The following ERBB4 variants were observed in gnomAD, a reference collection of about 807,000 sequenced individuals.
ERBB4 encodes receptor tyrosine-protein kinase erbB-4.
In ERBB4, 42 loss-of-function variants were observed where a neutral mutation model predicts 158.0. The ratio of observed to expected loss-of-function variants is 0.27; its 90% confidence interval spans 0.21 to 0.34. The LOEUF (loss-of-function observed/expected upper bound fraction) is 0.34, where lower values mean the gene tolerates loss of function less well. Ranked by LOEUF, ERBB4 falls within the 10% of genes least tolerant of loss-of-function variation. The pLI, the probability that ERBB4 is intolerant of heterozygous loss-of-function variation, is 1.00. For missense variants in ERBB4, 1,333 were observed against 1,624.1 expected, an observed-to-expected ratio of 0.82 and a Z score of 3.08; for synonymous variants, 583 against 558.7, an observed-to-expected ratio of 1.04 and a Z score of -0.61.
At chr2:212,005,897 C>A (rs948684051) in intron 2 of ERBB4, among the ~76,000 whole-genome samples, 4 of 152,122 alleles carry the variant, frequency 2.6e-5, no homozygotes, top group African/African-American at 9.6e-5. Context: ...CCAGCCAAGG[C>A]AACATAGCAA....
chr2:212,344,376 T>C (rs1195048936), intron 1 of ERBB4, among the ~76,000 whole-genome samples: 2 of 152,110 alleles, frequency 1.3e-5, no homozygotes, highest in African/African-American at 4.8e-5. Flanking sequence ...CAGACCTTGC[T>C]AAATGTCCCC....
intron 2 of ERBB4, among the ~76,000 whole-genome samples, chr2:212,003,156 A>G (rs368610517): frequency 0.22 from 4,852 of 21,750 alleles, 448 homozygotes; most frequent in Non-Finnish European, 0.34. Flanking sequence ...AAGGAAAGAA[A>G]GAAAGAAAGA....
Position 211,724,737 on chromosome 2 carries a change from A to G in ERBB4, c.741+339T>C, listed in dbSNP as rs188678231. Among the ~76,000 whole-genome samples, 611 of 152,224 alleles carry G rather than the reference A, an allele frequency of 4.0e-3. 3 individuals carry two copies. The highest frequency in any genetic ancestry group is 0.014 in the African/African-American group (590 of 41,562). ...CAAGAAATAAAATGCAATTGCTCCC[A>G]CTTGCAGAACTCAGTGATGCAACCA... On this transcript the variant is annotated intron_variant, in intron 6 of 27. Coordinates refer to ENST00000342788, the MANE Select transcript of ERBB4 (RefSeq NM_005235.3).
chr2:212,054,645 A>G (rs2077498770), intron 2 of ERBB4, among the ~76,000 whole-genome samples: 1 of 152,146 alleles, frequency 6.6e-6, no homozygotes, highest in African/African-American at 2.4e-5. Flanking sequence ...TCCAGTGCCA[A>G]TCCTAGAGTG....
chr2:212,036,536 C>T (rs1000651782), intron 2 of ERBB4, among the ~76,000 whole-genome samples: 1 of 151,200 alleles, frequency 6.6e-6, no homozygotes, highest in Non-Finnish European at 1.5e-5. Flanking sequence ...GTGATCTGGG[C>T]TCACTGCAAG....
intron 16 of ERBB4, among the ~76,000 whole-genome samples, chr2:211,637,875 T>C (rs1439424349): frequency 6.6e-6 from 1 of 151,958 alleles, no homozygotes; most frequent in Non-Finnish European, 1.5e-5. Flanking sequence ...AAAGATGATA[T>C]ATTTACACAA....
rs368539121 is a variant in ERBB4 at position 211,766,193 on chromosome 2, A to G, written c.557-15489T>C. ...CAAAAGAATCACCTCTAAATTGAAC[A>G]TAATGTGTTCTTGCTGAGCAGGAAA... is the stretch of plus-strand genomic sequence containing the variant. On this transcript the variant is annotated intron_variant, in intron 4 of 27. Coordinates refer to ENST00000342788, the MANE Select transcript of ERBB4 (RefSeq NM_005235.3). Among the ~76,000 whole-genome samples the G allele has an allele frequency of 7.2e-5, 11 of 152,362 alleles. 1 individual carries two copies. Among genetic ancestry groups the G allele is most frequent in the African/African-American group, 1.9e-4 (8 of 41,586 alleles).
At chr2:211,525,973 G>A (rs926235886) in intron 20 of ERBB4, among the ~76,000 whole-genome samples, 2 of 152,122 alleles carry the variant, frequency 1.3e-5, no homozygotes, top group Non-Finnish European at 2.9e-5. Context: ...CCAGTCCCTA[G>A]CTGCCAGATG....
chr2:211,397,671 T>G (rs913085727), intron 25 of ERBB4, among the ~76,000 whole-genome samples: 5 of 152,126 alleles, frequency 3.3e-5, no homozygotes, highest in African/African-American at 1.2e-4. Flanking sequence ...CTAAGGTTGA[T>G]TTTGCAGTTT....
chr2:211,542,593 T>A (rs1485701409), intron 20 of ERBB4, among the ~76,000 whole-genome samples: 3 of 152,042 alleles, frequency 2.0e-5, no homozygotes, highest in African/African-American at 7.2e-5. Flanking sequence ...GTTCTAAAAA[T>A]TTGTATTTTA....
intron 1 of ERBB4, among the ~76,000 whole-genome samples, chr2:212,434,166 G>A (rs933698835): frequency 3.3e-5 from 5 of 151,914 alleles, no homozygotes; most frequent in African/African-American, 1.2e-4. Context: ...TCACATCCAT[G>A]TAATCTAAAT....
intron 1 of ERBB4, among the ~76,000 whole-genome samples, chr2:212,150,407 T>G (rs2080829236): frequency 6.6e-6 from 1 of 152,212 alleles, no homozygotes; most frequent in Non-Finnish European, 1.5e-5. Flanking sequence ...TAATTTCATT[T>G]TCCCTAATTA....
intron 20 of ERBB4, among the ~76,000 whole-genome samples, chr2:211,504,428 T>G (rs569396201): frequency 6.6e-6 from 1 of 151,124 alleles, no homozygotes; most frequent in African/African-American, 2.4e-5. Context: ...GTGCAACAGC[T>G]AAACCCTCAA....
At chr2:211,583,955 T>A (rs897818740) in intron 19 of ERBB4, among the ~76,000 whole-genome samples, 7 of 150,340 alleles carry the variant, frequency 4.7e-5, no homozygotes. Flanking sequence ...TAACTACTAT[T>A]TTTCATTTGG....
intron 1 of ERBB4, among the ~76,000 whole-genome samples, chr2:212,315,473 A>G (rs1243212908): frequency 6.6e-6 from 1 of 151,452 alleles, no homozygotes; most frequent in Non-Finnish European, 1.5e-5. Flanking sequence ...TTTCCTTAAA[A>G]TTATTTTTAA....
At chr2:211,442,768 A>C (rs542173380) in intron 20 of ERBB4, among the ~76,000 whole-genome samples, 1 of 152,186 alleles carries the variant, frequency 6.6e-6, no homozygotes, top group South Asian at 2.1e-4. Context: ...GCACTCATCT[A>C]TTGACTTGAT....
chr2:211,823,849 A>G (rs1418172165), intron 3 of ERBB4, among the ~76,000 whole-genome samples: 1 of 151,968 alleles, frequency 6.6e-6, no homozygotes, highest in South Asian at 2.1e-4. Flanking sequence ...TGAGGGCCCA[A>G]TTGGCCAATT....
chr2:211,746,719 A>G (rs1416289607), intron 5 of ERBB4, among the ~76,000 whole-genome samples: 2 of 151,568 alleles, frequency 1.3e-5, no homozygotes, highest in African/African-American at 4.8e-5. Context: ...AATCCCAGCT[A>G]CTTGTGAGGC....
intron 1 of ERBB4, among the ~76,000 whole-genome samples, chr2:212,390,022 G>C (rs1017046944): frequency 1.3e-5 from 2 of 151,842 alleles, no homozygotes; most frequent in Non-Finnish European, 1.5e-5. Flanking sequence ...GGTTCAGAGA[G>C]AGTAAATGAT....
Sources: gnomAD v4.1 joint callset for allele counts (sites outside exome capture counted in the v4.1 genomes callset) on GRCh38, gnomAD v4.1.1 for gene constraint, MANE v1.5 for transcripts, NCBI Gene and HGNC (gene_info 2026-07-23, HGNC 2026-07-21) for gene names.